The following RIC3 variants were observed in gnomAD, a reference collection of about 807,000 sequenced individuals.
The protein encoded by RIC3 is protein RIC-3.
In RIC3, 28 loss-of-function variants were observed where a neutral mutation model predicts 27.3. That is an observed-to-expected ratio of 1.02 (90% CI 0.76 to 1.41). The LOEUF is 1.41. Among genes scored for constraint, RIC3 ranks in the 40% most tolerant of loss-of-function variants. RIC3 has a pLI of 0.00. For missense variants in RIC3, 501 were observed against 444.7 expected (o/e 1.13, Z -1.14); for synonymous variants, 184 against 160.4 (o/e 1.15, Z -1.11).
intron 1 of RIC3, among the ~76,000 whole-genome samples, chr11:8,150,944 A>C (rs954908772): frequency 4.6e-5 from 7 of 152,240 alleles, no homozygotes; most frequent in African/African-American, 1.7e-4. Context: ...TTCACATGTA[A>C]AAGAATAAAA....
Position 8,126,783 on chromosome 11 carries a change from G to C in RIC3, c.546C>G (p.Asp182Glu). ...GESRAQTVTS[D>E]QEKRLLHQLR... ...GCTGATGTAGCAACCGTTTCTCTTG[G>C]TCAGAAGTCACAGTCTGTGCTCTGC... The change falls in exon 5 of 6, where the codon GAC (aspartate) becomes GAG (glutamate). Residue 182 changes from aspartate (D) to glutamate (E), a missense_variant. Asp to Glu is a conservative substitution (Grantham distance 45). Coordinates refer to ENST00000309737, the MANE Select transcript of RIC3 (RefSeq NM_001206671.4). 1 of 1,613,996 alleles carries C rather than the reference G, an allele frequency of 6.2e-7. No individual in the cohort carries two copies.
downstream of RIC3, chr11:8,105,623 A>G (rs2133951876): frequency 6.6e-6 from 1 of 152,294 alleles, no homozygotes; most frequent in East Asian, 1.9e-4. Context: ...CCACAAGATA[A>G]AGATGTTACA....
At chr11:8,111,756 G>A (rs1009377223) in intron 5 of RIC3, among the ~76,000 whole-genome samples, 1 of 152,170 alleles carries the variant, frequency 6.6e-6, no homozygotes, top group Non-Finnish European at 1.5e-5. Flanking sequence ...TTCACAAAAT[G>A]GAACAAAAGA....
intron 4 of RIC3, among the ~76,000 whole-genome samples, chr11:8,137,162 T>C (rs935688634): frequency 1.3e-5 from 2 of 152,150 alleles, no homozygotes; most frequent in East Asian, 1.9e-4. Context: ...GTAGCTGGGA[T>C]TGCAGGTGTG....
At chr11:8,137,514 C>T (rs1377462932) in intron 3 of RIC3, 43 bp from the exon 4 acceptor site, 1 of 1,536,204 alleles carries the variant, frequency 6.5e-7, no homozygotes, top group Admixed American at 1.7e-5. Flanking sequence ...GAGACAACTC[C>T]CTAAACCTGT....
rs140563273 is a variant in RIC3 at position 8,113,625 on chromosome 11, C to G, written c.671-2488G>C. Reference sequence around the variant, plus strand: ...CCAGGCTAGTCTCTATGACCACCCCCACCTTCAGGTTGGCCCCTGCATTCC... The same window carrying G: ...CCAGGCTAGTCTCTATGACCACCCCGACCTTCAGGTTGGCCCCTGCATTCC... On this transcript the variant is annotated intron_variant, in intron 5 of 5. Transcript: ENST00000309737. Among the ~76,000 whole-genome samples the G allele has an allele frequency of 7.3e-3, 1,114 of 152,276 alleles. 14 individuals are homozygous for G. Among genetic ancestry groups the G allele is most frequent in the African/African-American group, 0.025 (1,036 of 41,558 alleles).
intron 1 of RIC3, among the ~76,000 whole-genome samples, chr11:8,145,875 G>A (rs750089320): frequency 6.6e-5 from 10 of 152,116 alleles, no homozygotes; most frequent in Non-Finnish European, 1.2e-4. Flanking sequence ...AAAAATTGTT[G>A]GATTTGACTT....
chr11:8,148,507 G>GT (rs1949935178), intron 1 of RIC3, among the ~76,000 whole-genome samples: 1 of 152,124 alleles, frequency 6.6e-6, no homozygotes, highest in African/African-American at 2.4e-5. Flanking sequence ...ACCTTACTGT[G>GT]TTGAGAATAC....
intron 1 of RIC3, among the ~76,000 whole-genome samples, chr11:8,154,287 A>C (rs971081107): frequency 6.6e-6 from 1 of 152,222 alleles, no homozygotes; most frequent in Non-Finnish European, 1.5e-5. Flanking sequence ...GCGTGCTTTT[A>C]GATTTTATTG....
chr11:8,113,944 G>A (rs939557766), intron 5 of RIC3, among the ~76,000 whole-genome samples: 1 of 152,140 alleles, frequency 6.6e-6, no homozygotes, highest in African/African-American at 2.4e-5. Flanking sequence ...CTAGGCTTTG[G>A]GATAGCCTCT....
the RIC3 span, chr11:8,096,752 C>G: frequency 1.2e-6 from 2 of 1,614,152 alleles, no homozygotes; most frequent in South Asian, 2.2e-5. Context: ...CCAGCTCCTC[C>G]CAGCTAAATA....
chr11:8,114,849 T>A (rs1367212209), intron 5 of RIC3, among the ~76,000 whole-genome samples: 2 of 151,730 alleles, frequency 1.3e-5, no homozygotes, highest in African/African-American at 4.8e-5. Flanking sequence ...AAAAATGCAA[T>A]AGAGAGTATC....
chr11:8,148,911 T>C (rs1381906923), intron 1 of RIC3, among the ~76,000 whole-genome samples: 2 of 151,168 alleles, frequency 1.3e-5, no homozygotes, highest in Non-Finnish European at 2.9e-5. Flanking sequence ...CTGGGCGCAG[T>C]GGCTCACACC....
intron 4 of RIC3, among the ~76,000 whole-genome samples, chr11:8,136,111 A>G (rs1948379418): frequency 6.6e-6 from 1 of 152,208 alleles, no homozygotes; most frequent in African/African-American, 2.4e-5. Context: ...CACACAGGCA[A>G]GGTTCATCCT....
chr11:8,157,623 C>G (rs937731513), intron 1 of RIC3, among the ~76,000 whole-genome samples: 1 of 152,188 alleles, frequency 6.6e-6, no homozygotes, highest in African/African-American at 2.4e-5. Context: ...CCAGGGCAGG[C>G]TCTGGATCTT....
intron 5 of RIC3, among the ~76,000 whole-genome samples, chr11:8,122,134 G>T (rs1311889752): frequency 6.6e-6 from 1 of 152,070 alleles, no homozygotes; most frequent in Non-Finnish European, 1.5e-5. Context: ...TAGCAAAACT[G>T]TACTACAATA....
intron 1 of RIC3, 52 bp from the exon 2 acceptor site, chr11:8,140,245 A>G (rs1228840940): frequency 1.3e-6 from 2 of 1,507,838 alleles, no homozygotes. Flanking sequence ...AAAGATGGCT[A>G]TCATGAAAAC....
At chr11:8,152,364 C>T (rs1038341440) in intron 1 of RIC3, among the ~76,000 whole-genome samples, 1 of 152,184 alleles carries the variant, frequency 6.6e-6, no homozygotes, top group African/African-American at 2.4e-5. Flanking sequence ...AGTATATCCA[C>T]ACAACACAGT....
chr11:8,134,364 A>T (rs2133808030), intron 4 of RIC3, among the ~76,000 whole-genome samples: 1 of 152,344 alleles, frequency 6.6e-6, no homozygotes, highest in South Asian at 2.1e-4. Context: ...CATGGTATAT[A>T]TGTGCCACAT....
Sources: allele counts gnomAD v4.1 joint callset (sites outside exome capture counted in the v4.1 genomes callset), GRCh38; gene constraint gnomAD v4.1.1; transcripts MANE v1.5; gene names NCBI Gene and HGNC (gene_info 2026-07-23, HGNC 2026-07-21).